WDR49: variants seen among roughly 807,000 people sequenced by gnomAD.
The protein encoded by WDR49 is cilia- and flagella-associated protein 337.
Under a neutral mutation model 119.5 loss-of-function variants are expected in WDR49, and 107 were observed. The ratio of observed to expected loss-of-function variants is 0.90; its 90% confidence interval spans 0.77 to 1.05. The LOEUF (loss-of-function observed/expected upper bound fraction) is 1.05, where lower values mean the gene tolerates loss of function less well. Among genes scored for constraint, WDR49 ranks in the 50% least tolerant of loss-of-function variants. The pLI, the probability that WDR49 is intolerant of heterozygous loss-of-function variation, is 0.00. For synonymous variants in WDR49, 425 were observed against 418.8 expected (o/e 1.01, Z -0.18); for missense variants, 1,240 against 1,220.5 (o/e 1.02, Z -0.24).
At chr3:167,482,948 C>T (rs186797491) in intron 18 of WDR49, among the ~76,000 whole-genome samples, 2 of 152,014 alleles carry the variant, frequency 1.3e-5, no homozygotes, top group East Asian at 3.9e-4. Context: ...CAACTAATAG[C>T]AGTATAAGCA....
At chr3:167,490,969 A>G (rs775605598) in intron 18 of WDR49, among the ~76,000 whole-genome samples, 2 of 151,994 alleles carry the variant, frequency 1.3e-5, no homozygotes, top group African/African-American at 2.4e-5. Context: ...TTCCAAATTA[A>G]CATTTTCAGT....
chr3:167,573,430 A>ACACACAC (rs1553867426), intron 8 of WDR49, among the ~76,000 whole-genome samples: 52 of 145,484 alleles, frequency 3.6e-4, no homozygotes, highest in African/African-American at 1.4e-3. Flanking sequence ...ACACACACAC[A>ACACACAC]ACACAAATAG....
intron 3 of WDR49, among the ~76,000 whole-genome samples, chr3:167,625,333 T>C (rs1173463580): frequency 2.6e-5 from 4 of 152,028 alleles, no homozygotes; most frequent in African/African-American, 4.8e-5. Context: ...TGGTATGGGA[T>C]AACAACTCAG....
chr3:167,589,566 T>C (rs1715000070), intron 7 of WDR49, among the ~76,000 whole-genome samples: 1 of 152,174 alleles, frequency 6.6e-6, no homozygotes, highest in Non-Finnish European at 1.5e-5. Context: ...TTCCAGACCA[T>C]GAACATGGAA....
rs189076965 is a variant in WDR49 at position 167,554,282 on chromosome 3, T to A, written c.1823+368A>T. 5.5e-4 allele frequency among the ~76,000 whole-genome samples: 84 copies of A among 152,232 alleles called. 1 individual carries two copies. The East Asian group carries it at 8.5e-3, about 15-fold the overall frequency. On this transcript the variant is annotated intron_variant, in intron 10 of 18. Transcript: ENST00000682715. ...GGCTATTTCCCTCTTGTGTTGCAAT[T>A]GAAAATAAGTCATGAGAAAAGAAGT...
At chr3:167,518,371 T>G (rs531769744) in intron 16 of WDR49, among the ~76,000 whole-genome samples, 203 of 152,148 alleles carry the variant, frequency 1.3e-3, no homozygotes, top group African/African-American at 4.6e-3. Flanking sequence ...GTGTTCCTAT[T>G]TCTCCACATC....
At chr3:167,633,399 T>C (rs1430555351) in intron 2 of WDR49, 1 of 454,566 alleles carries the variant, frequency 2.2e-6, no homozygotes, top group Admixed American at 2.4e-5. Flanking sequence ...CTGGTGAAAG[T>C]AAAGTTTACC....
chr3:167,551,371 G>A (rs1712559859), intron 10 of WDR49, among the ~76,000 whole-genome samples: 1 of 152,010 alleles, frequency 6.6e-6, no homozygotes, highest in Non-Finnish European at 1.5e-5. Flanking sequence ...ATATATCTGA[G>A]TTGTTGTTAA....
At chr3:167,578,032 C>A (rs1041957979) in intron 7 of WDR49, among the ~76,000 whole-genome samples, 1 of 152,130 alleles carries the variant, frequency 6.6e-6, no homozygotes, top group African/African-American at 2.4e-5. Context: ...TAAATATATT[C>A]AGCCAAAGAA....
intron 16 of WDR49, among the ~76,000 whole-genome samples, chr3:167,517,499 A>G (rs141749307): frequency 1.3e-5 from 2 of 152,310 alleles, no homozygotes; most frequent in African/African-American, 4.8e-5. Context: ...CTCCTTCCTT[A>G]CATCTTATAC....
At chr3:167,646,013 G>A (rs1718105796) in intron 2 of WDR49, among the ~76,000 whole-genome samples, 1 of 152,164 alleles carries the variant, frequency 6.6e-6, no homozygotes, top group African/African-American at 2.4e-5. Flanking sequence ...AGTTGGCCAG[G>A]AAATTGTTGG....
At chr3:167,598,661 A>C (rs1403916010) in intron 7 of WDR49, among the ~76,000 whole-genome samples, 2 of 152,212 alleles carry the variant, frequency 1.3e-5, no homozygotes, top group African/African-American at 4.8e-5. Context: ...TGAATCAATT[A>C]AACTTCTTTT....
At chr3:167,579,690 T>C (rs1195408390) in intron 7 of WDR49, among the ~76,000 whole-genome samples, 3 of 152,130 alleles carry the variant, frequency 2.0e-5, no homozygotes, top group African/African-American at 7.2e-5. Flanking sequence ...GTTTAAAACA[T>C]TCTGGCAGCT....
intron 5 of WDR49, among the ~76,000 whole-genome samples, chr3:167,618,007 G>C (rs981277250): frequency 3.3e-5 from 5 of 152,022 alleles, no homozygotes; most frequent in Admixed American, 3.3e-4. Flanking sequence ...CCAATGTTAT[G>C]TCCCCATTTG....
At chr3:167,625,541 G>A (rs1187009858) in intron 3 of WDR49, among the ~76,000 whole-genome samples, 1 of 151,904 alleles carries the variant, frequency 6.6e-6, no homozygotes, top group African/African-American at 2.4e-5. Flanking sequence ...AAATTAATGG[G>A]TTTATTTCTT....
In WDR49 at chr3:167,531,157, T is replaced by C; in HGVS notation, c.2176A>G (p.Arg726Gly). The C allele has an allele frequency of 6.2e-7, 1 of 1,612,562 alleles. No homozygotes were observed. The highest frequency in any genetic ancestry group is 1.1e-5 in the South Asian group (1 of 90,998). The part of the protein sequence containing the change: ...IDTEGKNAVM[R>G]LCFLKARKNT... ...TTTCTTGCTTTAAGAAAGCAAAGTC[T>C]CATAACAGCATTTTTGCCCTCAGTG... The change falls in exon 13 of 19, where the codon AGA (arginine) becomes GGA (glycine). Residue 726 changes from arginine to glycine, a missense_variant. Coordinates refer to ENST00000682715, the MANE Select transcript of WDR49 (RefSeq NM_001366157.1).
At chr3:167,563,353 C>CAAAAA (rs61247447) in intron 8 of WDR49, among the ~76,000 whole-genome samples, 145 of 55,438 alleles carry the variant, frequency 2.6e-3, no homozygotes, top group South Asian at 4.4e-3. Flanking sequence ...GATTCTGAAT[C>CAAAAA]AAAAAAAAAA....
intron 8 of WDR49, among the ~76,000 whole-genome samples, chr3:167,564,787 A>G (rs1041346609): frequency 6.6e-6 from 1 of 152,212 alleles, no homozygotes; most frequent in African/African-American, 2.4e-5. Context: ...TGTCAGAGCT[A>G]ATCAGACAAT....
chr3:167,620,363 A>C lies in WDR49; in HGVS notation c.958+66T>G, dbSNP rs1716808353. ...TAAAGGTTTTGTGTGAAGCATTTTC[A>C]TCAAAGAATATAAATGTACAAGTCA... is the stretch of plus-strand genomic sequence containing the variant. On this transcript the variant is annotated intron_variant, in intron 5 of 18. Transcript: ENST00000682715. The C allele has an allele frequency of 2.1e-6, 3 of 1,409,950 alleles. No individual in the cohort carries two copies. In the East Asian group the frequency reaches 7.9e-5, roughly 37 times the overall value. 87.3% of individuals were successfully genotyped at this position (1,409,950 alleles called of 1,614,324 possible). A position where few individuals can be genotyped will look rare whatever the true frequency, so the allele number is the denominator to read the frequency against.
Sources: gnomAD v4.1 joint callset for allele counts (sites outside exome capture counted in the v4.1 genomes callset) on GRCh38, gnomAD v4.1.1 for gene constraint, MANE v1.5 for transcripts, NCBI Gene and HGNC (gene_info 2026-07-23, HGNC 2026-07-21) for gene names.